ZNF154: variants seen among roughly 807,000 people sequenced by gnomAD.
The protein encoded by ZNF154 is zinc finger protein 154.
Under a neutral mutation model 7.5 loss-of-function variants are expected in ZNF154, and 6 were observed. That is an observed-to-expected ratio of 0.80 (90% CI 0.44 to 1.57). ZNF154 has a LOEUF of 1.57. Among genes scored for constraint, ZNF154 ranks in the 40% most tolerant of loss-of-function variants. ZNF154 has a pLI of 0.01. For synonymous variants in ZNF154, 187 were observed against 185.9 expected (o/e 1.01, Z -0.05); for missense variants, 485 against 531.4 (o/e 0.91, Z 0.86).
Position 57,709,035 on chromosome 19 carries a change from C to A in ZNF154, c.-64G>T. 6.5e-7 allele frequency: 1 copy of A among 1,545,508 alleles called. No homozygotes were observed. ...GACATTGGTAGGGACCCGGGGACAG[C>A]GGTCCCTATCCCAGGCCTGACGTGG... On this transcript the variant is annotated 5_prime_UTR_variant, in exon 1 of 3. Coordinates refer to ENST00000684351, the MANE Select transcript of ZNF154 (RefSeq NM_001085384.3).
At chr19:57,704,479 C>T (rs1317976015) in intron 2 of ZNF154, among the ~76,000 whole-genome samples, 1 of 152,204 alleles carries the variant, frequency 6.6e-6, no homozygotes, top group Non-Finnish European at 1.5e-5. Context: ...GTGACAATAA[C>T]TCCTGGCATA....
chr19:57,708,290 G>A (rs1014475903), intron 1 of ZNF154, among the ~76,000 whole-genome samples: 8 of 152,156 alleles, frequency 5.3e-5, no homozygotes, highest in East Asian at 3.9e-4. Flanking sequence ...AACATAGGGC[G>A]GGCACGGTGG....
At position 57,698,779 on chromosome 19, in the gene ZNF154, G is replaced by A. The variant is rs1280279077; in HGVS notation, c.*2856C>T. The A allele has an allele frequency of 1.3e-5, 2 of 152,078 alleles. No individual in the cohort carries two copies. The highest frequency in any genetic ancestry group is 2.9e-5 in the Non-Finnish European group (2 of 68,014). 9.4% of individuals were successfully genotyped at this position (152,078 alleles called of 1,614,324 possible). ...TATGTTTATTTTAGACTATGGAAAT[G>A]TTAGACAAAACTCAAATTTCAGCGA... On this transcript the variant is annotated 3_prime_UTR_variant, in exon 3 of 3. Coordinates refer to ENST00000684351, the MANE Select transcript of ZNF154 (RefSeq NM_001085384.3).
intron 1 of ZNF154, among the ~76,000 whole-genome samples, chr19:57,708,282 CAT>C (rs1985475021): frequency 6.6e-6 from 1 of 152,116 alleles, no homozygotes; most frequent in African/African-American, 2.4e-5. Context: ...TAAACCCTAA[CAT>C]AGGGCGGGCA....
chr19:57,702,089 C>A lies in ZNF154; in HGVS notation c.860G>T (p.Ser287Ile). ...GTGAACTTTCTGGTGTTTTATGAGA[C>A]TGGAATGATATGTAAAAAACTTCCC... ...ECGKFFTYHS[S>I]LIKHQKVHSG... Residue 287 changes from serine to isoleucine, a missense_variant, in exon 3 of 3, where the codon AGT (serine) becomes ATT (isoleucine). Coordinates refer to ENST00000684351, the MANE Select transcript of ZNF154 (RefSeq NM_001085384.3). 6.2e-7 allele frequency: 1 copy of A among 1,612,730 alleles called. No homozygotes were observed.
In ZNF154 at chr19:57,708,577, GA is replaced by G. The variant is rs909533621; in HGVS notation, c.33+361del. 3.3e-5 allele frequency among the ~76,000 whole-genome samples: 5 copies of G among 151,416 alleles called. No individual in the cohort carries two copies. The East Asian group carries it at 9.7e-4, about 29-fold the overall frequency. ...GATAAGAGCGAAACTCCGTCTCAAA[GA>G]AAAAAAAACTAACATAAATGGCGTC... On this transcript the variant is annotated intron_variant, in intron 1 of 2. Coordinates refer to ENST00000684351, the MANE Select transcript of ZNF154 (RefSeq NM_001085384.3).
In ZNF154 at chr19:57,709,109, G is replaced by C. The variant is rs761945310; in HGVS notation, c.-138C>G. 66 of 1,175,500 alleles carry C rather than the reference G, an allele frequency of 5.6e-5. No individual in the cohort carries two copies. The highest frequency in any genetic ancestry group is 7.9e-5 in the Non-Finnish European group (65 of 821,520). 72.8% of individuals were successfully genotyped at this position (1,175,500 alleles called of 1,614,324 possible). On this transcript the variant is annotated 5_prime_UTR_variant, in exon 1 of 3. Coordinates refer to ENST00000684351, the MANE Select transcript of ZNF154 (RefSeq NM_001085384.3). ...GGCTTAGACGCTTTCGTGCAGGAGG[G>C]ACGACGACTCCCCTCACGCCTTCGT...
At chr19:57,707,994 C>T (rs914754060) in intron 1 of ZNF154, among the ~76,000 whole-genome samples, 5 of 152,070 alleles carry the variant, frequency 3.3e-5, no homozygotes, top group Admixed American at 3.3e-4. Context: ...ACTGAGGGAC[C>T]GAACACTCTC....
chr19:57,700,420 A>G lies in ZNF154; in HGVS notation c.*1215T>C, dbSNP rs1315143497. ...CTGCTCATCCTTAAGAGCCATAATA[A>G]CGAACATCATGGAAACCTCTGTAAA... On this transcript the variant is annotated 3_prime_UTR_variant, in exon 3 of 3. Transcript: ENST00000684351. 1 of 152,244 alleles carries G rather than the reference A, an allele frequency of 6.6e-6. No homozygotes were observed. The highest frequency in any genetic ancestry group is 1.5e-5 in the Non-Finnish European group (1 of 68,054). The allele number at this position is 152,244 out of a possible 1,614,324, so 9.4% of individuals were successfully genotyped here. A position where few individuals can be genotyped will look rare whatever the true frequency, so the allele number is the denominator to read the frequency against.
At position 57,702,752 on chromosome 19, in the gene ZNF154, T is replaced by C; in HGVS notation, c.197A>G (p.His66Arg). ...GGCTCTGCCCACATTGCTTCTGAAA[T>C]GTTTTTCTCCAAGGTGCTGCTTCTG... Reference protein sequence around the residue: ...HHQKQHLGEKHFRSNVGRALF... With the variant: ...HHQKQHLGEKRFRSNVGRALF... The change falls in exon 3 of 3, where the codon CAT becomes CGT. Residue 66 changes from histidine (H) to arginine (R), a missense_variant. Coordinates refer to ENST00000684351, the MANE Select transcript of ZNF154 (RefSeq NM_001085384.3). The C allele has an allele frequency of 6.2e-7, 1 of 1,602,822 alleles. No individual in the cohort carries two copies. Among genetic ancestry groups the C allele is most frequent in the South Asian group, 1.1e-5 (1 of 90,880 alleles).
chr19:57,702,853 C>G, intron 2 of ZNF154, 65 bp from the exon 3 acceptor site: 1 of 1,481,598 alleles, frequency 6.7e-7, no homozygotes, highest in Non-Finnish European at 9.1e-7. Flanking sequence ...TATGATGTGT[C>G]CCCTAGGGCC....
At position 57,699,988 on chromosome 19, in the gene ZNF154, T is replaced by A. The variant is rs967181828; in HGVS notation, c.*1647A>T. ...ACTCTGACTCAAAAAAAAATAAAAA[T>A]AAAAATAAATCATGGTTCAAAACCA... On this transcript the variant is annotated 3_prime_UTR_variant, in exon 3 of 3. Coordinates refer to ENST00000684351, the MANE Select transcript of ZNF154 (RefSeq NM_001085384.3). The A allele has an allele frequency of 1.2e-4, 19 of 152,024 alleles. No homozygotes were observed. The highest frequency in any genetic ancestry group is 4.3e-4 in the African/African-American group (18 of 41,472). 9.4% of individuals were successfully genotyped at this position (152,024 alleles called of 1,614,324 possible).
chr19:57,702,773 T>G lies in ZNF154; in HGVS notation c.176A>C (p.Lys59Thr), dbSNP rs1321766230. 1 of 1,599,936 alleles carries G rather than the reference T, an allele frequency of 6.3e-7. No homozygotes were observed. Among genetic ancestry groups the G allele is most frequent in the African/African-American group, 1.3e-5 (1 of 74,636 alleles). The change falls in exon 3 of 3, where the codon AAG becomes ACG. Residue 59 changes from lysine (K) to threonine (T), a missense_variant. Transcript: ENST00000684351. ...LLTSLDVHHQ[K>T]QHLGEKHFRS... ...GAAATGTTTTTCTCCAAGGTGCTGCTTCTGATGATGAACATCTGCAATGAA... is the reference window on the plus strand; with the variant it reads ...GAAATGTTTTTCTCCAAGGTGCTGCGTCTGATGATGAACATCTGCAATGAA...
rs752408251 is a variant in ZNF154, at chr19:57,702,031, A to T, written c.918T>A (p.Cys306Ter). The T allele has an allele frequency of 6.2e-7, 1 of 1,613,936 alleles. No individual in the cohort carries two copies. Among genetic ancestry groups the T allele is most frequent in the South Asian group, 1.1e-5 (1 of 91,080 alleles). Residue 306 changes from cysteine (C) to a stop codon, truncating the protein, a stop_gained, in exon 3 of 3, where the codon TGT (cysteine) becomes TGA (stop). Coordinates refer to ENST00000684351, the MANE Select transcript of ZNF154 (RefSeq NM_001085384.3). LOFTEE classifies it low-confidence loss of function (END_TRUNC). ...SGSRPYECSE[C>*]GKSFSQNSSL... ...TAGAGTTTTGGCTAAATGACTTCCC[A>T]CATTCGCTGCACTCATAAGGCCTGG...
rs548319664 is a variant in ZNF154, at chr19:57,701,878, A to G, written c.1071T>C (p.Tyr357=). The G allele has an allele frequency of 1.2e-6, 2 of 1,614,126 alleles. No homozygotes were observed. Among genetic ancestry groups the G allele is most frequent in the East Asian group, 2.2e-5 (1 of 44,868 alleles). The change falls in exon 3 of 3, where the codon TAT becomes TAC. Residue 357 remains tyrosine, a synonymous_variant. Coordinates refer to ENST00000684351, the MANE Select transcript of ZNF154 (RefSeq NM_001085384.3). Reference sequence around the variant, plus strand: ...AGAACTTCCCACATTCACTGCACTCATAAGGCCTCTCCCCAGTGTGAACTC... The same window carrying G: ...AGAACTTCCCACATTCACTGCACTCGTAAGGCCTCTCCCCAGTGTGAACTC... The part of the protein sequence containing the change: ...HRGVHTGERP[Y]ECSECGKFFP...
chr19:57,707,164 C>T (rs10405771), intron 1 of ZNF154, among the ~76,000 whole-genome samples: 4,446 of 149,958 alleles, frequency 0.03, 204 homozygotes, highest in African/African-American at 0.1. Context: ...ATCCACAGCT[C>T]ACTCACCTTA....
intron 1 of ZNF154, among the ~76,000 whole-genome samples, chr19:57,707,191 C>T (rs4539712): frequency 0.14 from 20,538 of 151,768 alleles, 1,718 homozygotes; most frequent in East Asian, 0.38. Context: ...ACAATGACCA[C>T]CACATTTTGG....
At chr19:57,703,788 GA>G (rs565661762) in intron 2 of ZNF154, among the ~76,000 whole-genome samples, 8 of 152,222 alleles carry the variant, frequency 5.3e-5, no homozygotes, top group African/African-American at 1.4e-4. Flanking sequence ...AAGGTGGGTG[GA>G]TCACAAGGTC....
At position 57,697,650 on chromosome 19, in the gene ZNF154, G is replaced by A. The variant is rs1984949600; in HGVS notation, c.*3985C>T. ...CATTTTAAAATTGCATTCTGAAGAG[G>A]CTATGCATTAAATAATATGATATCC... On this transcript the variant is annotated 3_prime_UTR_variant, in exon 3 of 3. Transcript: ENST00000684351. The A allele has an allele frequency of 6.6e-6, 1 of 152,000 alleles. No homozygotes were observed. The highest frequency in any genetic ancestry group is 2.1e-4 in the South Asian group (1 of 4,828). 9.4% of individuals were successfully genotyped at this position (152,000 alleles called of 1,614,324 possible). A position where few individuals can be genotyped will look rare whatever the true frequency, so the allele number is the denominator to read the frequency against.
Sources: gnomAD v4.1 joint callset for allele counts (sites outside exome capture counted in the v4.1 genomes callset) on GRCh38, gnomAD v4.1.1 for gene constraint, MANE v1.5 for transcripts, NCBI Gene and HGNC (gene_info 2026-07-23, HGNC 2026-07-21) for gene names.